Variants in FCAR observed in about 807,000 individuals in gnomAD.
FCAR encodes the protein Fc alpha receptor.
FCAR carries 21 observed loss-of-function variants against 27.1 expected under a neutral mutation model. That is an observed-to-expected ratio of 0.77 (90% CI 0.55 to 1.11). The LOEUF is 1.11. Among genes scored for constraint, FCAR ranks in the 50% most tolerant of loss-of-function variants. The pLI, the probability that FCAR is intolerant of heterozygous loss-of-function variation, is 0.00. For synonymous variants in FCAR, 134 were observed against 135.8 expected (o/e 0.99, Z 0.09); for missense variants, 404 against 358.4 (o/e 1.13, Z -1.03).
rs191759522 is a variant in FCAR, at chr19:54,885,454, G to C, written c.290G>C (p.Arg97Pro). 1 of 1,613,018 alleles carries C rather than the reference G, an allele frequency of 6.2e-7. No homozygotes were observed. Among genetic ancestry groups the C allele is most frequent in the Non-Finnish European group, 8.5e-7 (1 of 1,179,148 alleles). Residue 97 changes from arginine to proline, a missense_variant, in exon 3 of 5, where the codon CGC becomes CCC. Transcript: ENST00000355524. ...CACATGGACGCAAACAAGGCAGGGCGCTATCAGTGCCAATATAGGATAGGG... is the reference window on the plus strand; with the variant it reads ...CACATGGACGCAAACAAGGCAGGGCCCTATCAGTGCCAATATAGGATAGGG... ...IDHMDANKAG[R>P]YQCQYRIGHY...
At chr19:54,884,386 CTT>C (rs2066587887) in intron 2 of FCAR, among the ~76,000 whole-genome samples, 1 of 152,152 alleles carries the variant, frequency 6.6e-6, no homozygotes, top group African/African-American at 2.4e-5. Context: ...AATCCCAGCA[CTT>C]TGGGAGGCCG....
chr19:54,885,622 A>T (rs910603831), intron 3 of FCAR, 97 bp downstream of exon 3: 30 of 921,440 alleles, frequency 3.3e-5, no homozygotes, highest in African/African-American at 5.1e-5. Flanking sequence ...AACAAAAAAA[A>T]ATTGATGATT....
chr19:54,889,993 C>T lies in FCAR; in HGVS notation c.*130C>T. On this transcript the variant is annotated 3_prime_UTR_variant, in exon 5 of 5. Transcript: ENST00000355524. ...TTTTTTTTTTTGAGACAGAGTCTGG[C>T]TCTGTCACCCAGGCTGGAGTGCAGT... 1 of 666,454 alleles carries T rather than the reference C, an allele frequency of 1.5e-6. No individual in the cohort carries two copies. The highest frequency in any genetic ancestry group is 1.8e-5 in the South Asian group (1 of 54,256). The allele number at this position is 666,454 out of a possible 1,614,324, so 41.3% of individuals were successfully genotyped here.
chr19:54,883,640 G>T lies in FCAR; in HGVS notation c.71-1595G>T, dbSNP rs1451559085. Among the ~76,000 whole-genome samples the T allele has an allele frequency of 2.0e-5, 3 of 152,138 alleles. No individual in the cohort carries two copies. In the South Asian group the frequency reaches 6.2e-4, roughly 32 times the overall value. On this transcript the variant is annotated intron_variant, in intron 2 of 4. Transcript: ENST00000355524. ...AAGGGTGATTGGAGCCACATGATCT[G>T]CCATCTCAGTGCTTCCCAGGGGAAC... is the stretch of plus-strand genomic sequence containing the variant.
intron 2 of FCAR, among the ~76,000 whole-genome samples, chr19:54,879,023 T>G (rs1017990859): frequency 6.7e-6 from 1 of 150,200 alleles, no homozygotes; most frequent in African/African-American, 2.5e-5. Flanking sequence ...GGATTACAGG[T>G]GTGTACCACC....
rs587704468 is a variant in FCAR at position 54,882,377 on chromosome 19, C to A, written c.71-2858C>A. Among the ~76,000 whole-genome samples, 35 of 152,130 alleles carry A rather than the reference C, an allele frequency of 2.3e-4. No homozygotes were observed. The South Asian group carries it at 7.3e-3, about 32-fold the overall frequency. On this transcript the variant is annotated intron_variant, in intron 2 of 4. Transcript: ENST00000355524. ...CATTCATCTCAATGTAGCTAAGAACCAGATTTCTGGGGAACTATCGAGTTG... is the reference window on the plus strand; with the variant it reads ...CATTCATCTCAATGTAGCTAAGAACAAGATTTCTGGGGAACTATCGAGTTG...
intron 2 of FCAR, among the ~76,000 whole-genome samples, chr19:54,877,762 AGCTGTGTCCC>A (rs2066176333): frequency 6.6e-6 from 1 of 152,146 alleles, no homozygotes; most frequent in Non-Finnish European, 1.5e-5. Context: ...ACACTGCCTT[AGCTGTGTCCC>A]AGAGATTCTG....
At chr19:54,878,176 CA>C (rs1186809898) in intron 2 of FCAR, among the ~76,000 whole-genome samples, 1 of 152,184 alleles carries the variant, frequency 6.6e-6, no homozygotes, top group African/African-American at 2.4e-5. Context: ...CTTGGCTTCC[CA>C]AAGTGCTGGG....
chr19:54,878,106 A>C (rs1371350507), intron 2 of FCAR, among the ~76,000 whole-genome samples: 4 of 151,992 alleles, frequency 2.6e-5, no homozygotes, highest in Non-Finnish European at 5.9e-5. Context: ...TTTAGTAAAG[A>C]CGGGGTTTCA....
At chr19:54,879,840 C>G (rs747427988) in intron 2 of FCAR, among the ~76,000 whole-genome samples, 2 of 152,114 alleles carry the variant, frequency 1.3e-5, no homozygotes, top group Non-Finnish European at 2.9e-5. Context: ...CCCACCACCA[C>G]GCCCAGCTAA....
Position 54,874,327 on chromosome 19 carries a change from A to C in FCAR, c.34+4A>C. ...CAGACCACCCTCCTGTGTCTTGGTG[A>C]GTTTCAGAGTAAAAGTGGGTTAGAG... On this transcript the variant is annotated splice_donor_region_variant and intron_variant, in intron 1 of 4. Transcript: ENST00000355524. The C allele has an allele frequency of 6.2e-7, 1 of 1,614,134 alleles. No homozygotes were observed. The highest frequency in any genetic ancestry group is 8.5e-7 in the Non-Finnish European group (1 of 1,179,992).
At chr19:54,883,934 G>A (rs966757956) in intron 2 of FCAR, among the ~76,000 whole-genome samples, 25 of 152,240 alleles carry the variant, frequency 1.6e-4, no homozygotes, top group South Asian at 6.2e-4. Context: ...TCCAGCCTGG[G>A]CAACAGAGTG....
intron 3 of FCAR, 63 bp from the exon 4 acceptor site, chr19:54,887,943 AT>A: frequency 7.8e-7 from 1 of 1,278,332 alleles, no homozygotes; most frequent in South Asian, 1.6e-5. Flanking sequence ...AATAACAATA[AT>A]AAGAAGAAGA....
At chr19:54,881,469 G>A (rs1350479403) in intron 2 of FCAR, among the ~76,000 whole-genome samples, 5 of 152,244 alleles carry the variant, frequency 3.3e-5, no homozygotes, top group Middle Eastern at 3.4e-3. Context: ...AGAGGGTGGG[G>A]CTGTTGTGCC....
chr19:54,890,017 G>C lies in FCAR; in HGVS notation c.*154G>C. ...GCTCTGTCACCCAGGCTGGAGTGCA[G>C]TGGAGCAATCTCGGCTCATTGAACC... On this transcript the variant is annotated 3_prime_UTR_variant, in exon 5 of 5. Transcript: ENST00000355524. 3.2e-6 allele frequency: 2 copies of C among 616,040 alleles called. No homozygotes were observed. Among genetic ancestry groups the C allele is most frequent in the South Asian group, 3.9e-5 (2 of 51,430 alleles). 38.2% of individuals were successfully genotyped at this position (616,040 alleles called of 1,614,324 possible).
intron 2 of FCAR, among the ~76,000 whole-genome samples, chr19:54,884,557 G>A (rs887872549): frequency 1.3e-4 from 20 of 151,972 alleles, no homozygotes; most frequent in African/African-American, 4.4e-4. Flanking sequence ...GCTTGAACCC[G>A]GGAGGCGGAG....
intron 4 of FCAR, chr19:54,888,991 C>G: frequency 1.3e-6 from 1 of 761,148 alleles, no homozygotes; most frequent in South Asian, 5.9e-5. Flanking sequence ...TCACTTGAAC[C>G]CAGGAGGCAG....
rs587724305 is a variant in FCAR, at chr19:54,891,241, T to C, written c.*1378T>C. On this transcript the variant is annotated 3_prime_UTR_variant, in exon 5 of 5. Coordinates refer to ENST00000355524, the MANE Select transcript of FCAR (RefSeq NM_002000.4). ...CTTTCACTGATTGCTATTTACTTCA[T>C]TGTCCAGTAGCTTATGTATGAAAAT... is the stretch of plus-strand genomic sequence containing the variant. The C allele has an allele frequency of 6.6e-6, 1 of 152,324 alleles. No individual in the cohort carries two copies. Among genetic ancestry groups the C allele is most frequent in the African/African-American group, 2.4e-5 (1 of 41,570 alleles). The allele number at this position is 152,324 out of a possible 1,614,324, so 9.4% of individuals were successfully genotyped here.
In FCAR at chr19:54,890,110, CA is replaced by C; in HGVS notation, c.*248del. ...CTGGAATTACAGGCACATACCACTG[CA>C]CCCAGCTAATTTTTGTATTTTTAGT... On this transcript the variant is annotated 3_prime_UTR_variant, in exon 5 of 5. Transcript: ENST00000355524. 1.8e-6 allele frequency: 1 copy of C among 546,808 alleles called. No individual in the cohort carries two copies. Among genetic ancestry groups the C allele is most frequent in the South Asian group, 2.3e-5 (1 of 43,604 alleles). 33.9% of individuals were successfully genotyped at this position (546,808 alleles called of 1,614,324 possible). A position where few individuals can be genotyped will look rare whatever the true frequency, so the allele number is the denominator to read the frequency against.
Sources: allele counts gnomAD v4.1 joint callset (sites outside exome capture counted in the v4.1 genomes callset), GRCh38; gene constraint gnomAD v4.1.1; transcripts MANE v1.5; gene names NCBI Gene and HGNC (gene_info 2026-07-23, HGNC 2026-07-21).